The following PAK3 variants were observed in gnomAD, a reference collection of about 807,000 sequenced individuals.
PAK3 encodes p21 (RAC1) activated kinase 3, also known as serine/threonine-protein kinase PAK 3.
PAK3 carries 4 observed loss-of-function variants against 41.0 expected under a neutral mutation model. The ratio of observed to expected loss-of-function variants is 0.10; its 90% CI spans 0.05 to 0.22. PAK3 has a LOEUF of 0.22. Among genes scored for constraint, PAK3 ranks in the 10% least tolerant of loss-of-function variants. The pLI is 1.00. For synonymous variants in PAK3, 146 were observed against 139.6 expected, an observed-to-expected ratio of 1.05 and a Z score of -0.32; for missense variants, 205 against 409.9, an observed-to-expected ratio of 0.50 and a Z score of 4.32.
chrX:110,991,828 A>G (rs768823734), intron 1 of PAK3, among the ~76,000 whole-genome samples: 23 of 111,503 alleles, frequency 2.1e-4, no homozygotes, highest in Non-Finnish European at 3.8e-4. Context: ...TTAAACACTT[A>G]ATAAGTAACT....
intron 1 of PAK3, among the ~76,000 whole-genome samples, chrX:111,010,205 C>A (rs1353200187): frequency 9.0e-6 from 1 of 111,621 alleles, no homozygotes; most frequent in African/African-American, 3.3e-5. Flanking sequence ...AATGTTTTTG[C>A]AAAATGTAAA....
At chrX:111,144,594 C>T (rs1393301062) in intron 6 of PAK3, among the ~76,000 whole-genome samples, 2 of 111,179 alleles carry the variant, frequency 1.8e-5, no homozygotes, top group African/African-American at 3.3e-5. Context: ...GTTTGATTAT[C>T]GTGGTTGTTG....
chrX:111,198,675 A>G (rs781722422), intron 16 of PAK3, among the ~76,000 whole-genome samples: 6 of 109,949 alleles, frequency 5.5e-5, no homozygotes, highest in Non-Finnish European at 9.5e-5. Context: ...CACCTGTCCT[A>G]TTCATCTATG....
upstream of PAK3, among the ~76,000 whole-genome samples, chrX:111,096,169 G>T (rs2092976672): frequency 8.9e-6 from 1 of 112,367 alleles, no homozygotes; most frequent in African/African-American, 3.2e-5. Flanking sequence ...GGGCTAGGGA[G>T]CGGTTGCCGA....
At chrX:111,148,660 C>T (rs925302798) in intron 7 of PAK3, among the ~76,000 whole-genome samples, 8 of 111,187 alleles carry the variant, frequency 7.2e-5, no homozygotes, top group Non-Finnish European at 7.5e-5. Context: ...TGGAGAACCC[C>T]GATAAAACCA....
At chrX:111,003,268 G>T (rs1488745584) in intron 1 of PAK3, among the ~76,000 whole-genome samples, 2 of 111,649 alleles carry the variant, frequency 1.8e-5, no homozygotes, top group African/African-American at 6.5e-5. Context: ...GGAGGGTGTA[G>T]CCAGTTTTTG....
intron 7 of PAK3, 21 bp from the exon 8 acceptor site, chrX:111,152,389 C>G (rs1412262267): frequency 9.0e-7 from 1 of 1,111,279 alleles, no homozygotes; most frequent in Admixed American, 2.2e-5. Context: ...CAAAAATGAC[C>G]TCTCTATTCT....
At chrX:111,028,033 A>ATATATATATACATATATATATGTG (rs2092297393) in intron 1 of PAK3, among the ~76,000 whole-genome samples, 2 of 105,245 alleles carry the variant, frequency 1.9e-5, no homozygotes, top group Non-Finnish European at 3.9e-5. Context: ...ATATGTGTGT[A>ATATATATATACATATATATATGTG]TATATATATA....
chrX:111,189,830 A>AT (rs1405384515), intron 11 of PAK3, among the ~76,000 whole-genome samples: 6 of 112,055 alleles, frequency 5.4e-5, no homozygotes, highest in Non-Finnish European at 1.1e-4. Context: ...TTGAACTCAA[A>AT]TAAGTTCAGA....
At chrX:111,153,618 T>C (rs1380530900) in intron 8 of PAK3, among the ~76,000 whole-genome samples, 2 of 112,136 alleles carry the variant, frequency 1.8e-5, no homozygotes, top group Non-Finnish European at 3.8e-5. Flanking sequence ...TTCTTCCTTT[T>C]ATAGCAGACC....
intron 11 of PAK3, among the ~76,000 whole-genome samples, chrX:111,187,031 C>T (rs773945638): frequency 9.0e-6 from 1 of 111,332 alleles, no homozygotes; most frequent in African/African-American, 3.2e-5. Context: ...AATTATTTGT[C>T]TTTGTAAACC....
chrX:111,050,875 T>C (rs2092551122), intron 1 of PAK3, among the ~76,000 whole-genome samples: 1 of 112,193 alleles, frequency 8.9e-6, no homozygotes, highest in Non-Finnish European at 1.9e-5. Context: ...TTGCAGGGCT[T>C]ATTTGTCGTG....
In PAK3 at chrX:111,001,437, T is replaced by G. The variant is rs2091846770; in HGVS notation, c.-28+56809T>G. ...TCCTCTCCAAGCACTGAACTATAAT[T>G]AATGCTGAGTGTGGCACTGGTATCA... is the stretch of plus-strand genomic sequence containing the variant. On this transcript the variant is annotated intron_variant, in intron 1 of 14. Transcript: ENST00000425146. 2.7e-5 allele frequency among the ~76,000 whole-genome samples: 3 copies of G among 112,044 alleles called. No homozygotes were observed. In the South Asian group the frequency reaches 1.1e-3, roughly 43 times the overall value.
intron 1 of PAK3, among the ~76,000 whole-genome samples, chrX:110,952,218 C>A (rs771431165): frequency 1.8e-5 from 2 of 111,471 alleles, no homozygotes; most frequent in Non-Finnish European, 3.8e-5. Context: ...GTGCTTTAGG[C>A]CAAAGGTAGG....
At position 111,194,281 on chromosome X, in the gene PAK3, C is replaced by G. The variant is rs779061662; in HGVS notation, c.993-20C>G. On this transcript the variant is annotated intron_variant, in intron 13 of 17. Transcript: ENST00000372007. Reference sequence around the variant, plus strand: ...GTTTTTTAGCGTCATAAGGCAAAGTCTTTTCTTTTCTTGTTATAGCTACTT... The same window carrying G: ...GTTTTTTAGCGTCATAAGGCAAAGTGTTTTCTTTTCTTGTTATAGCTACTT... The G allele has an allele frequency of 1.0e-6, 1 of 975,922 alleles. No individual in the cohort carries two copies. The highest frequency in any genetic ancestry group is 1.5e-6 in the Non-Finnish European group (1 of 680,556). The allele number at this position is 975,922 out of a possible 1,213,427, so 80.4% of individuals were successfully genotyped here.
At chrX:111,182,048 T>C (rs1428648282) in intron 11 of PAK3, among the ~76,000 whole-genome samples, 1 of 111,843 alleles carries the variant, frequency 8.9e-6, no homozygotes, top group East Asian at 2.8e-4. Flanking sequence ...GTGCTGTCCC[T>C]TGTAAAGAAA....
At chrX:111,047,862 C>T (rs1018590425) in intron 1 of PAK3, among the ~76,000 whole-genome samples, 2 of 112,069 alleles carry the variant, frequency 1.8e-5, no homozygotes, top group Admixed American at 9.4e-5. Context: ...TCTTCTGCAT[C>T]ATCAATCTTT....
intron 1 of PAK3, among the ~76,000 whole-genome samples, chrX:111,047,941 A>T (rs188669228): frequency 1.2e-3 from 139 of 111,491 alleles, no homozygotes; most frequent in African/African-American, 4.2e-3. Flanking sequence ...TTTTGGCTGC[A>T]TACTCTCTTT....
At chrX:111,067,692 C>T (rs952294747) in intron 1 of PAK3, among the ~76,000 whole-genome samples, 1 of 111,736 alleles carries the variant, frequency 8.9e-6, no homozygotes, top group Non-Finnish European at 1.9e-5. Flanking sequence ...AATAAATTTG[C>T]TAATGTTAAA....
Sources: allele counts gnomAD v4.1 joint callset (sites outside exome capture counted in the v4.1 genomes callset), GRCh38; gene constraint gnomAD v4.1.1; transcripts MANE v1.5; gene names NCBI Gene and HGNC (gene_info 2026-07-23, HGNC 2026-07-21).